The following GAP43 variants were observed in gnomAD, a reference collection of about 807,000 sequenced individuals.
GAP43 encodes growth associated protein 43, also known as neuromodulin.
Under a neutral mutation model 18.6 loss-of-function variants are expected in GAP43, and 6 were observed. The ratio of observed to expected loss-of-function variants is 0.32; its 90% CI spans 0.18 to 0.64. GAP43 has a LOEUF of 0.64. Among genes scored for constraint, GAP43 ranks in the 30% least tolerant of loss-of-function variants. The pLI is 0.78. For synonymous variants in GAP43, 115 were observed against 111.4 expected (o/e 1.03, Z -0.20); for missense variants, 292 against 295.5 (o/e 0.99, Z 0.09).
intron 1 of GAP43, chr3:115,663,989 A>G: frequency 7.0e-7 from 1 of 1,436,586 alleles, no homozygotes; most frequent in East Asian, 2.5e-5. Flanking sequence ...TACTAGCTGT[A>G]TGACTTTGAG....
chr3:115,669,532 T>G (rs1708783396), intron 1 of GAP43, among the ~76,000 whole-genome samples: 1 of 152,246 alleles, frequency 6.6e-6, no homozygotes, highest in South Asian at 2.1e-4. Flanking sequence ...CTGACTTTTT[T>G]TCTGTTTGAA....
intron 1 of GAP43, among the ~76,000 whole-genome samples, chr3:115,662,754 A>C (rs1039959075): frequency 6.6e-6 from 1 of 152,148 alleles, no homozygotes; most frequent in Non-Finnish European, 1.5e-5. Context: ...CCTTTGGGCC[A>C]TGTGACATCA....
At chr3:115,668,730 A>G (rs907608850) in intron 1 of GAP43, among the ~76,000 whole-genome samples, 1 of 152,014 alleles carries the variant, frequency 6.6e-6, no homozygotes, top group Non-Finnish European at 1.5e-5. Flanking sequence ...AGCCACTTTC[A>G]CCAGTTTTGC....
At chr3:115,679,033 T>C (rs919146761) in intron 2 of GAP43, among the ~76,000 whole-genome samples, 10 of 151,940 alleles carry the variant, frequency 6.6e-5, no homozygotes, top group Non-Finnish European at 1.3e-4. Flanking sequence ...CTGTACTGCA[T>C]TTCCTCTGCC....
rs1263644111 is a variant in GAP43 at position 115,683,143 on chromosome 3, G to GCACACACA, written c.628+6534_628+6535insACACACAC. On this transcript the variant is annotated intron_variant, in intron 2 of 2. Coordinates refer to ENST00000305124, the MANE Select transcript of GAP43 (RefSeq NM_002045.4). ...TACATGTGCGCGCGCGTGCGCGCGC[G>GCACACACA]CGCGCACACACACACACACACACAC... Among the ~76,000 whole-genome samples the GCACACACA allele has an allele frequency of 6.6e-3, 832 of 126,054 alleles. 2 individuals carry two copies. Among genetic ancestry groups the GCACACACA allele is most frequent in the Non-Finnish European group, 0.011 (643 of 59,686 alleles). The allele number at this position is 126,054 out of a possible 152,430, so 82.7% of individuals were successfully genotyped here. A position where few individuals can be genotyped will look rare whatever the true frequency, so the allele number is the denominator to read the frequency against.
chr3:115,707,183 G>T (rs908119197), intron 2 of GAP43, among the ~76,000 whole-genome samples: 21 of 152,200 alleles, frequency 1.4e-4, no homozygotes, highest in Middle Eastern at 6.8e-3. Flanking sequence ...ACATTTAATT[G>T]TCATAACAAC....
At chr3:115,691,424 G>A (rs1306654597) in intron 2 of GAP43, among the ~76,000 whole-genome samples, 1 of 152,166 alleles carries the variant, frequency 6.6e-6, no homozygotes, top group Non-Finnish European at 1.5e-5. Flanking sequence ...CGTCAGCTTT[G>A]TCATTGTGAA....
intron 2 of GAP43, among the ~76,000 whole-genome samples, chr3:115,715,568 C>T (rs983691474): frequency 3.3e-5 from 5 of 152,048 alleles, no homozygotes; most frequent in African/African-American, 9.7e-5. Context: ...ACCAGCTGGC[C>T]CCAGCCATTC....
chr3:115,689,157 G>T (rs1421679293), intron 2 of GAP43, among the ~76,000 whole-genome samples: 1 of 152,154 alleles, frequency 6.6e-6, no homozygotes, highest in Non-Finnish European at 1.5e-5. Context: ...AGTCTTCCCT[G>T]ACCATTTGGG....
At chr3:115,719,311 C>A (rs535853368) in intron 2 of GAP43, among the ~76,000 whole-genome samples, 1 of 152,102 alleles carries the variant, frequency 6.6e-6, no homozygotes, top group South Asian at 2.1e-4. Flanking sequence ...GACTGCTATC[C>A]TTAGAAAGGC....
At chr3:115,707,691 A>G (rs1577001740) in intron 2 of GAP43, among the ~76,000 whole-genome samples, 1 of 152,154 alleles carries the variant, frequency 6.6e-6, no homozygotes, top group East Asian at 1.9e-4. Context: ...GTAGATATCT[A>G]TTTCTTACTT....
In GAP43 at chr3:115,623,566, G is replaced by C. The variant is rs912796205; in HGVS notation, c.-124G>C. On this transcript the variant is annotated 5_prime_UTR_variant, in exon 1 of 3. Coordinates refer to ENST00000305124, the MANE Select transcript of GAP43 (RefSeq NM_002045.4). ...AGGGAGAGAGAGGGAGGGAGGGAGA[G>C]AGAGCGCGCTAGCGCGAGAGAGCGA... 7.8e-7 allele frequency: 1 copy of C among 1,275,600 alleles called. No homozygotes were observed. The highest frequency in any genetic ancestry group is 1.5e-5 in the African/African-American group (1 of 67,270). 79.0% of individuals were successfully genotyped at this position (1,275,600 alleles called of 1,614,324 possible).
intron 1 of GAP43, among the ~76,000 whole-genome samples, chr3:115,650,120 T>G (rs1482480442): frequency 6.6e-6 from 1 of 152,068 alleles, no homozygotes; most frequent in African/African-American, 2.4e-5. Flanking sequence ...CAGGAGTGAG[T>G]GCCTTGTTGG....
intron 1 of GAP43, among the ~76,000 whole-genome samples, chr3:115,675,022 T>C (rs1708862607): frequency 6.6e-6 from 1 of 152,182 alleles, no homozygotes; most frequent in Non-Finnish European, 1.5e-5. Context: ...CTTTCAGAGC[T>C]CTTTAATAAA....
At chr3:115,691,177 T>A (rs1709106624) in intron 2 of GAP43, among the ~76,000 whole-genome samples, 1 of 152,242 alleles carries the variant, frequency 6.6e-6, no homozygotes, top group South Asian at 2.1e-4. Flanking sequence ...GGTTTCTTGG[T>A]GACCCAAAGT....
intron 2 of GAP43, among the ~76,000 whole-genome samples, chr3:115,687,463 A>T (rs1428959271): frequency 6.6e-6 from 1 of 152,224 alleles, no homozygotes; most frequent in Non-Finnish European, 1.5e-5. Context: ...ATTTAATTTT[A>T]GTTCCACTGG....
At position 115,623,667 on chromosome 3, in the gene GAP43, A is replaced by G. The variant is rs199968274; in HGVS notation, c.-23A>G. The G allele has an allele frequency of 1.2e-6, 2 of 1,614,088 alleles. No homozygotes were observed. The highest frequency in any genetic ancestry group is 4.5e-5 in the East Asian group (2 of 44,854). ...GAGAAGGAAAGGAGAGAAGGCAGGA[A>G]GAAGGCAAGGGACGAGACAACCATG... is the stretch of plus-strand genomic sequence containing the variant. On this transcript the variant is annotated 5_prime_UTR_variant, in exon 1 of 3. Coordinates refer to ENST00000305124, the MANE Select transcript of GAP43 (RefSeq NM_002045.4).
intron 2 of GAP43, among the ~76,000 whole-genome samples, chr3:115,712,302 T>G (rs892835423): frequency 6.6e-6 from 1 of 152,224 alleles, no homozygotes; most frequent in African/African-American, 2.4e-5. Context: ...TAATTAGTCA[T>G]TCATATCTTT....
At chr3:115,706,255 T>C (rs1306648318) in intron 2 of GAP43, among the ~76,000 whole-genome samples, 1 of 152,154 alleles carries the variant, frequency 6.6e-6, no homozygotes, top group African/African-American at 2.4e-5. Context: ...AAAAGAAGTC[T>C]TAGGGTCCTT....
Sources: gnomAD v4.1 joint callset for allele counts (sites outside exome capture counted in the v4.1 genomes callset) on GRCh38, gnomAD v4.1.1 for gene constraint, MANE v1.5 for transcripts, NCBI Gene and HGNC (gene_info 2026-07-23, HGNC 2026-07-21) for gene names.